Variants in RALGAPA1 observed in about 807,000 individuals in gnomAD.
RALGAPA1 encodes the protein ral GTPase-activating protein subunit alpha-1.
Under a neutral mutation model 269.6 loss-of-function variants are expected in RALGAPA1, and 52 were observed. The ratio of observed to expected loss-of-function variants is 0.19; its 90% CI spans 0.15 to 0.24. RALGAPA1 has a LOEUF of 0.24. Among genes scored for constraint, RALGAPA1 ranks in the 10% least tolerant of loss-of-function variants. RALGAPA1 has a pLI of 1.00. For synonymous variants in RALGAPA1, 817 were observed against 1,008.3 expected, an observed-to-expected ratio of 0.81 and a Z score of 3.60; for missense variants, 1,917 against 3,013.9, an observed-to-expected ratio of 0.64 and a Z score of 8.52.
At chr14:35,706,644 A>T (rs1184491227) in intron 16 of RALGAPA1, 2 of 116,272 alleles carry the variant, frequency 1.7e-5, no homozygotes, top group Admixed American at 1.1e-4. Flanking sequence ...CTGATACAAG[A>T]TCTTGCTGTG....
At chr14:35,710,839 A>G (rs183107086) in intron 16 of RALGAPA1, among the ~76,000 whole-genome samples, 2 of 152,320 alleles carry the variant, frequency 1.3e-5, no homozygotes, top group Admixed American at 1.3e-4. Context: ...ATTGCCTACA[A>G]TATTCAGTAC....
At chr14:35,663,827 G>A (rs1339263339) in intron 27 of RALGAPA1, among the ~76,000 whole-genome samples, 4 of 151,898 alleles carry the variant, frequency 2.6e-5, no homozygotes, top group Admixed American at 6.6e-5. Context: ...TCCTGACCTC[G>A]TGATCTGCCC....
At chr14:35,718,280 T>A (rs2069028669) in intron 16 of RALGAPA1, among the ~76,000 whole-genome samples, 1 of 152,350 alleles carries the variant, frequency 6.6e-6, no homozygotes, top group Admixed American at 6.5e-5. Flanking sequence ...GAACAGCAAT[T>A]CCATAGTGAG....
chr14:35,742,710 G>T, intron 10 of RALGAPA1, 145 bp from the exon 11 acceptor site: 1 of 630,330 alleles, frequency 1.6e-6, no homozygotes, highest in Non-Finnish European at 2.8e-6. Flanking sequence ...AACTCATTTT[G>T]CCATAAGCTA....
chr14:35,740,588 C>T (rs2071452814), intron 11 of RALGAPA1, among the ~76,000 whole-genome samples: 1 of 152,154 alleles, frequency 6.6e-6, no homozygotes, highest in African/African-American at 2.4e-5. Context: ...GGGCAGGTCA[C>T]TTGAGCTCAG....
chr14:35,748,833 C>CAA lies in RALGAPA1; in HGVS notation c.1012-11_1012-10dup, dbSNP rs56861116. ...AAACTAGCAGCTGCTCTCTAAAATA[C>CAA]AAAAAAAAAAAAAAAAGAGAGAAAC... is the stretch of plus-strand genomic sequence containing the variant. On this transcript the variant is annotated splice_polypyrimidine_tract_variant and intron_variant, in intron 9 of 41. Coordinates refer to ENST00000680220, the MANE Select transcript of RALGAPA1 (RefSeq NM_001346249.2). 2,135 of 1,298,382 alleles carry CAA rather than the reference C, an allele frequency of 1.6e-3. 5 individuals carry two copies. The highest frequency in any genetic ancestry group is 0.011 in the African/African-American group (589 of 55,842). 80.4% of individuals were successfully genotyped at this position (1,298,382 alleles called of 1,614,324 possible).
At chr14:35,785,465 A>G (rs556812664) in intron 1 of RALGAPA1, among the ~76,000 whole-genome samples, 1 of 152,220 alleles carries the variant, frequency 6.6e-6, no homozygotes, top group East Asian at 1.9e-4. Flanking sequence ...TGGAAAATGC[A>G]TTACACTGAA....
intron 11 of RALGAPA1, among the ~76,000 whole-genome samples, chr14:35,741,550 A>G (rs2071555994): frequency 6.6e-6 from 1 of 152,186 alleles, no homozygotes; most frequent in Non-Finnish European, 1.5e-5. Flanking sequence ...ATCCTGACTA[A>G]ATTCCACTGA....
At chr14:35,550,225 G>T (rs2139114180) in intron 39 of RALGAPA1, among the ~76,000 whole-genome samples, 1 of 152,302 alleles carries the variant, frequency 6.6e-6, no homozygotes, top group South Asian at 2.1e-4. Context: ...AAACTCACAT[G>T]CTGACTTCAT....
At chr14:35,750,214 A>T (rs1212929725) in intron 9 of RALGAPA1, among the ~76,000 whole-genome samples, 1 of 152,192 alleles carries the variant, frequency 6.6e-6, no homozygotes, top group East Asian at 1.9e-4. Context: ...TACAATAAAG[A>T]ATATTTTTAG....
chr14:35,648,892 C>A (rs1397499110), intron 31 of RALGAPA1, among the ~76,000 whole-genome samples: 2 of 152,200 alleles, frequency 1.3e-5, no homozygotes, highest in African/African-American at 4.8e-5. Context: ...ACCTGGTGTT[C>A]TTCCTACCTT....
intron 37 of RALGAPA1, among the ~76,000 whole-genome samples, chr14:35,573,630 A>G (rs897583469): frequency 2.0e-5 from 3 of 152,182 alleles, no homozygotes; most frequent in African/African-American, 7.2e-5. Flanking sequence ...ATAGGGTAGG[A>G]AAAAGAACTT....
At chr14:35,734,069 G>A (rs2070752362) in intron 12 of RALGAPA1, among the ~76,000 whole-genome samples, 1 of 152,122 alleles carries the variant, frequency 6.6e-6, no homozygotes, top group Non-Finnish European at 1.5e-5. Context: ...ACAAACAAAT[G>A]CAAACACATC....
rs140591715 is a variant in RALGAPA1, at chr14:35,685,151, C to T, written c.4078-6G>A. The T allele has an allele frequency of 7.8e-5, 121 of 1,553,078 alleles. No individual in the cohort carries two copies. Among genetic ancestry groups the T allele is most frequent in the Middle Eastern group, 5.0e-4 (3 of 5,974 alleles). On this transcript the variant is annotated splice_region_variant and splice_polypyrimidine_tract_variant and intron_variant, in intron 19 of 41. Transcript: ENST00000680220. ...CTTCCTCTTCTTGTCATAGTCTAAACGTTCAAGAAATATTTTACCATTAAG... is the reference window on the plus strand; with the variant it reads ...CTTCCTCTTCTTGTCATAGTCTAAATGTTCAAGAAATATTTTACCATTAAG...
intron 26 of RALGAPA1, among the ~76,000 whole-genome samples, chr14:35,666,725 T>C (rs2063976193): frequency 6.6e-6 from 1 of 152,168 alleles, no homozygotes; most frequent in African/African-American, 2.4e-5. Flanking sequence ...TAGTATTAGA[T>C]ACACAAAGGA....
intron 12 of RALGAPA1, among the ~76,000 whole-genome samples, chr14:35,730,308 G>A (rs1198257001): frequency 1.3e-5 from 2 of 152,172 alleles, no homozygotes; most frequent in African/African-American, 2.4e-5. Flanking sequence ...GGCCAGAGGC[G>A]TGTGGAAAAT....
chr14:35,755,166 A>G (rs1013446939), intron 7 of RALGAPA1, among the ~76,000 whole-genome samples: 1 of 151,910 alleles, frequency 6.6e-6, no homozygotes, highest in Non-Finnish European at 1.5e-5. Flanking sequence ...TGGGCAACAC[A>G]GTGAGACCTT....
chr14:35,786,530 C>T (rs898416265), intron 1 of RALGAPA1, among the ~76,000 whole-genome samples: 2 of 151,660 alleles, frequency 1.3e-5, no homozygotes, highest in African/African-American at 4.8e-5. Context: ...CCCAGCTACT[C>T]GGGAGGCTGA....
At chr14:35,637,094 G>C (rs1463843398) in intron 31 of RALGAPA1, among the ~76,000 whole-genome samples, 2 of 152,210 alleles carry the variant, frequency 1.3e-5, no homozygotes, top group East Asian at 3.9e-4. Flanking sequence ...GTAATGCTTA[G>C]GGGGAGAAGA....
Sources: allele counts gnomAD v4.1 joint callset (sites outside exome capture counted in the v4.1 genomes callset), GRCh38; gene constraint gnomAD v4.1.1; transcripts MANE v1.5; gene names NCBI Gene and HGNC (gene_info 2026-07-23, HGNC 2026-07-21).